The following CACNA2D3 variants were observed in gnomAD, a reference collection of about 807,000 sequenced individuals.
CACNA2D3 encodes calcium voltage-gated channel auxiliary subunit alpha2delta 3, also known as voltage-dependent calcium channel subunit alpha-2/delta-3.
In CACNA2D3, 60 loss-of-function variants were observed where a neutral mutation model predicts 160.6. The observed-to-expected ratio is 0.37, with a 90% CI of 0.30 to 0.46. The LOEUF is 0.46. Ranked by LOEUF, CACNA2D3 falls within the 20% of genes least tolerant of loss-of-function variation. The pLI is 1.00. For missense variants in CACNA2D3, 1,205 were observed against 1,365.0 expected (o/e 0.88, Z 1.85); for synonymous variants, 558 against 492.9 (o/e 1.13, Z -1.75).
intron 29 of CACNA2D3, among the ~76,000 whole-genome samples, chr3:54,973,861 A>G (rs921208126): frequency 1.3e-5 from 2 of 152,240 alleles, no homozygotes; most frequent in African/African-American, 2.4e-5. Flanking sequence ...CACAATGGAA[A>G]TATTAGGGAT....
chr3:54,451,942 C>A (rs2106819173), intron 4 of CACNA2D3, among the ~76,000 whole-genome samples: 1 of 152,296 alleles, frequency 6.6e-6, no homozygotes, highest in African/African-American at 2.4e-5. Flanking sequence ...GGATTACCTC[C>A]AGTGCCCTTT....
At chr3:54,275,603 G>C (rs147347406) in intron 2 of CACNA2D3, among the ~76,000 whole-genome samples, 1 of 152,102 alleles carries the variant, frequency 6.6e-6, no homozygotes, top group East Asian at 1.9e-4. Flanking sequence ...GACACTAAAA[G>C]GTGATAGGAA....
chr3:54,799,594 T>C (rs1259557687), intron 13 of CACNA2D3, among the ~76,000 whole-genome samples: 1 of 152,242 alleles, frequency 6.6e-6, no homozygotes, highest in Non-Finnish European at 1.5e-5. Context: ...TTGCAGACTC[T>C]TGAGTTTTCA....
At chr3:54,462,979 A>C (rs1173732658) in intron 4 of CACNA2D3, among the ~76,000 whole-genome samples, 2 of 150,434 alleles carry the variant, frequency 1.3e-5, no homozygotes, top group Non-Finnish European at 3.0e-5. Context: ...TGGTGGTGAC[A>C]AAATCTCTCA....
At chr3:55,005,868 A>G (rs1180512765) in intron 32 of CACNA2D3, among the ~76,000 whole-genome samples, 2 of 152,208 alleles carry the variant, frequency 1.3e-5, no homozygotes, top group Non-Finnish European at 2.9e-5. Flanking sequence ...AATTAACCTA[A>G]AATTTTGTTT....
chr3:54,880,728 A>T (rs1699774943), intron 20 of CACNA2D3, 68 bp from the exon 21 acceptor site: 1 of 1,303,466 alleles, frequency 7.7e-7, no homozygotes, highest in African/African-American at 1.5e-5. Context: ...AAATTAAAAA[A>T]TGTTAGCCCA....
At chr3:54,419,401 T>C (rs1699805254) in intron 4 of CACNA2D3, among the ~76,000 whole-genome samples, 1 of 152,202 alleles carries the variant, frequency 6.6e-6, no homozygotes, top group Non-Finnish European at 1.5e-5. Context: ...CAGTTTCATT[T>C]CTTGTTGTTT....
chr3:54,333,800 C>T (rs371235646), intron 3 of CACNA2D3, among the ~76,000 whole-genome samples: 15 of 152,226 alleles, frequency 9.9e-5, no homozygotes, highest in African/African-American at 3.6e-4. Flanking sequence ...AACATTTGGA[C>T]AATTCATGGG....
At chr3:54,752,518 A>G (rs931307103) in intron 11 of CACNA2D3, 81 bp from the exon 12 acceptor site, 4 of 890,154 alleles carry the variant, frequency 4.5e-6, no homozygotes, top group South Asian at 2.8e-5. Context: ...GGTAAGCCAC[A>G]TGTGTGTGAG....
rs138534857 is a variant in CACNA2D3 at position 54,510,137 on chromosome 3, G to A, written c.544+6483G>A. Among the ~76,000 whole-genome samples the A allele has an allele frequency of 5.8e-3, 887 of 152,134 alleles. 9 individuals carry two copies. Among genetic ancestry groups the A allele is most frequent in the African/African-American group, 0.019 (791 of 41,506 alleles). On this transcript the variant is annotated intron_variant, in intron 5 of 37. Transcript: ENST00000474759. ...TGGACACATGCATAGGTAGATGGATGGATGAATGGATGGATGAATGGATGA... is the reference window on the plus strand; with the variant it reads ...TGGACACATGCATAGGTAGATGGATAGATGAATGGATGGATGAATGGATGA...
At chr3:54,463,766 G>C (rs1005068169) in intron 4 of CACNA2D3, among the ~76,000 whole-genome samples, 14 of 152,176 alleles carry the variant, frequency 9.2e-5, no homozygotes, top group South Asian at 2.1e-4. Flanking sequence ...CTTCTTCTCT[G>C]AACTCTTCAA....
chr3:54,151,045 G>T (rs1700140865), intron 2 of CACNA2D3, among the ~76,000 whole-genome samples: 1 of 151,956 alleles, frequency 6.6e-6, no homozygotes, highest in Non-Finnish European at 1.5e-5. Flanking sequence ...ATGGATGGGT[G>T]AATGGATGGA....
intron 5 of CACNA2D3, among the ~76,000 whole-genome samples, chr3:54,531,977 C>G (rs757824889): frequency 1.3e-5 from 2 of 152,182 alleles, no homozygotes; most frequent in African/African-American, 4.8e-5. Flanking sequence ...CGGTGTCTTG[C>G]CTCTCCGCGA....
In CACNA2D3 at chr3:54,880,874, GC is replaced by G. The variant is rs1463943467; in HGVS notation, c.1912+13del. On this transcript the variant is annotated intron_variant, in intron 21 of 37. Coordinates refer to ENST00000474759, the MANE Select transcript of CACNA2D3 (RefSeq NM_018398.3). ...TAACCATCGAAGAAGGTAAGATACT[GC>G]CTGGCTCGTCTTATCCTTTGGTGTG... 3.1e-6 allele frequency: 5 copies of G among 1,611,874 alleles called. No homozygotes were observed. Among genetic ancestry groups the G allele is most frequent in the Non-Finnish European group, 4.2e-6 (5 of 1,178,140 alleles).
intron 35 of CACNA2D3, among the ~76,000 whole-genome samples, chr3:55,063,398 A>T (rs1468171069): frequency 1.3e-5 from 2 of 152,124 alleles, no homozygotes; most frequent in East Asian, 3.9e-4. Flanking sequence ...AAGAAAAAAA[A>T]AAAAAGATGC....
intron 4 of CACNA2D3, among the ~76,000 whole-genome samples, chr3:54,448,985 C>A (rs1220090033): frequency 6.6e-6 from 1 of 152,154 alleles, no homozygotes; most frequent in Non-Finnish European, 1.5e-5. Flanking sequence ...AAGACTTTGT[C>A]TTGAATTTAT....
chr3:54,352,397 A>G (rs2107534309), intron 3 of CACNA2D3, among the ~76,000 whole-genome samples: 1 of 152,276 alleles, frequency 6.6e-6, no homozygotes, highest in Non-Finnish European at 1.5e-5. Context: ...TAGTATTATT[A>G]CCCCTACCAG....
rs189256969 is a variant in CACNA2D3 at position 54,554,621 on chromosome 3, A to G, written c.545-8179A>G. Among the ~76,000 whole-genome samples, 187 of 152,166 alleles carry G rather than the reference A, an allele frequency of 1.2e-3. 1 individual carries two copies. Among genetic ancestry groups the G allele is most frequent in the Admixed American group, 8.6e-3 (131 of 15,280 alleles). On this transcript the variant is annotated intron_variant, in intron 5 of 37. Transcript: ENST00000474759. ...GCCTTGTCTCAGCTACCTTTGAGGA[A>G]GAGCCGCTCTCATCTGGCTTCTACA...
chr3:54,257,025 A>C (rs1258769310), intron 2 of CACNA2D3, among the ~76,000 whole-genome samples: 1 of 152,078 alleles, frequency 6.6e-6, no homozygotes, highest in East Asian at 1.9e-4. Context: ...TCTACTTATG[A>C]CCACTGAAGC....
Sources: gnomAD v4.1 joint callset for allele counts (sites outside exome capture counted in the v4.1 genomes callset) on GRCh38, gnomAD v4.1.1 for gene constraint, MANE v1.5 for transcripts, NCBI Gene and HGNC (gene_info 2026-07-23, HGNC 2026-07-21) for gene names.